The following PKP4 variants were observed in gnomAD, a reference collection of about 807,000 sequenced individuals.
PKP4 encodes the protein plakophilin-4.
Under a neutral mutation model 145.1 loss-of-function variants are expected in PKP4, and 90 were observed. That is an observed-to-expected ratio of 0.62 (90% CI 0.52 to 0.74). The LOEUF is 0.74. PKP4 is among the 30% of genes least tolerant of loss of function. PKP4 has a pLI of 0.00. For missense variants in PKP4, 1,340 were observed against 1,482.7 expected (o/e 0.90, Z 1.58); for synonymous variants, 563 against 577.2 (o/e 0.98, Z 0.35).
intron 9 of PKP4, among the ~76,000 whole-genome samples, chr2:158,639,321 G>GT (rs1553468374): frequency 0.13 from 18,217 of 137,566 alleles, 1,321 homozygotes; most frequent in African/African-American, 0.2. Context: ...ACGCATGAGG[G>GT]GTGTGTGTGT....
intron 2 of PKP4, among the ~76,000 whole-genome samples, chr2:158,536,120 A>G (rs1209083922): frequency 6.6e-6 from 1 of 152,208 alleles, no homozygotes; most frequent in Non-Finnish European, 1.5e-5. Flanking sequence ...TTGTAACCAT[A>G]CTAAAGATTC....
intron 4 of PKP4, among the ~76,000 whole-genome samples, chr2:158,617,367 A>G (rs1364578757): frequency 1.3e-5 from 2 of 152,170 alleles, no homozygotes; most frequent in African/African-American, 2.4e-5. Context: ...TACACTGATT[A>G]AAGAAGTAAC....
chr2:158,647,680 G>A (rs1042141255), intron 11 of PKP4, among the ~76,000 whole-genome samples: 42 of 152,174 alleles, frequency 2.8e-4, no homozygotes, highest in African/African-American at 9.4e-4. Context: ...TCCTCATTGT[G>A]TTGAACATTT....
chr2:158,633,436 G>C (rs996903071), intron 8 of PKP4, among the ~76,000 whole-genome samples: 2 of 152,198 alleles, frequency 1.3e-5, no homozygotes, highest in African/African-American at 4.8e-5. Context: ...TATAGCATGG[G>C]TACACTGGAC....
At chr2:158,477,755 A>G (rs1403090445) in intron 1 of PKP4, among the ~76,000 whole-genome samples, 1 of 152,150 alleles carries the variant, frequency 6.6e-6, no homozygotes, top group Non-Finnish European at 1.5e-5. Context: ...TGAGGCAGGA[A>G]TATTACTTGA....
At chr2:158,567,905 A>T (rs184445638) in intron 2 of PKP4, among the ~76,000 whole-genome samples, 76 of 152,334 alleles carry the variant, frequency 5.0e-4, no homozygotes, top group African/African-American at 1.7e-3. Context: ...AAGGAATGGG[A>T]TAAGAGAAAG....
chr2:158,634,880 C>T (rs1351652702), intron 9 of PKP4, among the ~76,000 whole-genome samples: 5 of 107,612 alleles, frequency 4.6e-5, no homozygotes, highest in Non-Finnish European at 1.1e-4. Flanking sequence ...TTTTATTTGG[C>T]CCTGTAGACA....
At position 158,540,180 on chromosome 2, in the gene PKP4, G is replaced by A. The variant is rs185689851; in HGVS notation, c.132+6864G>A. On this transcript the variant is annotated intron_variant, in intron 2 of 21. Transcript: ENST00000389759. Reference sequence around the variant, plus strand: ...TTATATGTCCTCAACTATATATTCAGAATAACTTAGTATTTGTTCTCTTTG... The same window carrying A: ...TTATATGTCCTCAACTATATATTCAAAATAACTTAGTATTTGTTCTCTTTG... Among the ~76,000 whole-genome samples the A allele has an allele frequency of 2.2e-3, 334 of 152,270 alleles. 2 individuals are homozygous for A. In the Middle Eastern group the frequency reaches 0.024, roughly 11 times the overall value.
chr2:158,662,826 G>A, intron 13 of PKP4, 71 bp from the exon 14 acceptor site: 1 of 1,147,706 alleles, frequency 8.7e-7, no homozygotes, highest in Non-Finnish European at 1.2e-6. Context: ...CCTGTCTGTA[G>A]TGTTCAGTAC....
chr2:158,533,077 G>A (rs2043716135), intron 1 of PKP4, 103 bp from the exon 2 acceptor site: 1 of 1,205,810 alleles, frequency 8.3e-7, no homozygotes, highest in African/African-American at 1.5e-5. Flanking sequence ...ATCATGGTGT[G>A]TAGACTGTAG....
chr2:158,519,033 G>T (rs1312782303), intron 1 of PKP4, among the ~76,000 whole-genome samples: 3 of 151,732 alleles, frequency 2.0e-5, no homozygotes, highest in African/African-American at 7.3e-5. Flanking sequence ...ATTTCTTCTT[G>T]TAGTATTTCT....
chr2:158,545,107 T>G (rs1465214288), intron 2 of PKP4, among the ~76,000 whole-genome samples: 1 of 88,208 alleles, frequency 1.1e-5, no homozygotes, highest in Non-Finnish European at 2.1e-5. Context: ...TTTGAGCCAC[T>G]GGGCACAAGG....
intron 2 of PKP4, among the ~76,000 whole-genome samples, chr2:158,554,874 A>G (rs2045957459): frequency 6.6e-6 from 1 of 152,044 alleles, no homozygotes; most frequent in African/African-American, 2.4e-5. Context: ...CCACACCTAG[A>G]AGAAAGGTAC....
At chr2:158,564,722 C>G (rs1395029701) in intron 2 of PKP4, among the ~76,000 whole-genome samples, 1 of 152,030 alleles carries the variant, frequency 6.6e-6, no homozygotes, top group South Asian at 2.1e-4. Flanking sequence ...ATTTGATTTT[C>G]TTTTTCCTTA....
chr2:158,624,129 T>A (rs913942458), intron 6 of PKP4, among the ~76,000 whole-genome samples: 1 of 152,156 alleles, frequency 6.6e-6, no homozygotes, highest in Admixed American at 6.5e-5. Flanking sequence ...TTTTTTTGCA[T>A]CTCTTTAAAT....
chr2:158,458,047 T>G (rs1470434537), intron 1 of PKP4: 4 of 152,552 alleles, frequency 2.6e-5, no homozygotes, highest in Admixed American at 6.5e-5. Flanking sequence ...TTTGGCTGCG[T>G]GTTGGCTGAG....
rs1694808323 is a variant in PKP4, at chr2:158,490,642, C to T, written c.-6+33424C>T. On this transcript the variant is annotated intron_variant, in intron 1 of 21. Coordinates refer to ENST00000389759, the MANE Select transcript of PKP4 (RefSeq NM_003628.6). ...AGTACAAATAGGATTCCTCAGGAGT[C>T]AATGTGGACAATAATTTTAAACATT... 2.6e-5 allele frequency among the ~76,000 whole-genome samples: 4 copies of T among 152,168 alleles called. No individual in the cohort carries two copies. The South Asian group carries it at 8.3e-4, about 32-fold the overall frequency.
At chr2:158,640,073 A>G (rs1353374337) in intron 9 of PKP4, among the ~76,000 whole-genome samples, 4 of 152,342 alleles carry the variant, frequency 2.6e-5, no homozygotes, top group Admixed American at 2.6e-4. Context: ...GTCAGCAGTA[A>G]TCCTGAATAT....
intron 11 of PKP4, among the ~76,000 whole-genome samples, chr2:158,650,110 G>T (rs919313530): frequency 1.3e-5 from 2 of 152,234 alleles, no homozygotes; most frequent in African/African-American, 2.4e-5. Context: ...TGCAGAACAA[G>T]GGTGGCCAGG....
Sources: gnomAD v4.1 joint callset for allele counts (sites outside exome capture counted in the v4.1 genomes callset) on GRCh38, gnomAD v4.1.1 for gene constraint, MANE v1.5 for transcripts, NCBI Gene and HGNC (gene_info 2026-07-23, HGNC 2026-07-21) for gene names.